LRRC4C: variants seen among roughly 807,000 people sequenced by gnomAD.
LRRC4C encodes leucine rich repeat containing 4C.
In LRRC4C, 5 loss-of-function variants were observed where a neutral mutation model predicts 33.6. The ratio of observed to expected loss-of-function variants is 0.15; its 90% CI spans 0.08 to 0.31. LRRC4C has a LOEUF of 0.31. LRRC4C is among the 10% of genes least tolerant of loss of function. The probability of loss-of-function intolerance (pLI) is 1.00; values close to 1 mark genes in which losing one functional copy is unlikely to be tolerated. For missense variants in LRRC4C, 560 were observed against 796.7 expected (o/e 0.70, Z 3.58); for synonymous variants, 329 against 302.0 (o/e 1.09, Z -0.93).
chr11:40,640,739 GCGC>G (rs1297762928), intron 3 of LRRC4C, among the ~76,000 whole-genome samples: 2 of 152,032 alleles, frequency 1.3e-5, no homozygotes, highest in East Asian at 3.9e-4. Flanking sequence ...ATTTGGCCAG[GCGC>G]CATGGCTCAC....
chr11:40,122,559 G>C (rs1307740931), intron 6 of LRRC4C, among the ~76,000 whole-genome samples: 5 of 152,172 alleles, frequency 3.3e-5, no homozygotes, highest in Non-Finnish European at 7.4e-5. Context: ...AATAAATTCT[G>C]ACCTAATCTT....
chr11:41,072,097 T>A (rs1428122841), intron 1 of LRRC4C, among the ~76,000 whole-genome samples: 2 of 152,054 alleles, frequency 1.3e-5, no homozygotes, highest in South Asian at 2.1e-4. Context: ...CTGGTTAAGA[T>A]GCTGGGAACA....
At chr11:40,435,030 T>C (rs1405232933) in intron 3 of LRRC4C, among the ~76,000 whole-genome samples, 1 of 152,194 alleles carries the variant, frequency 6.6e-6, no homozygotes, top group African/African-American at 2.4e-5. Context: ...AAGGGCATTC[T>C]TTACCACCTT....
chr11:40,643,348 A>G (rs1235663278), intron 3 of LRRC4C, among the ~76,000 whole-genome samples: 1 of 152,172 alleles, frequency 6.6e-6, no homozygotes, highest in African/African-American at 2.4e-5. Flanking sequence ...GCCCTAATGA[A>G]TAATCTACAT....
intron 2 of LRRC4C, among the ~76,000 whole-genome samples, chr11:40,819,948 G>T (rs1475312865): frequency 6.6e-6 from 1 of 151,778 alleles, no homozygotes; most frequent in African/African-American, 2.4e-5. Context: ...CCAGAGGGAA[G>T]ACAAATTTCA....
At chr11:41,459,101 G>A (rs568837334) in intron 1 of LRRC4C, among the ~76,000 whole-genome samples, 2 of 152,112 alleles carry the variant, frequency 1.3e-5, no homozygotes, top group South Asian at 4.2e-4. Flanking sequence ...TCTGATTAAT[G>A]TTTTTCCTCA....
At chr11:40,764,946 A>G (rs1411301798) in intron 2 of LRRC4C, among the ~76,000 whole-genome samples, 1 of 152,120 alleles carries the variant, frequency 6.6e-6, no homozygotes, top group African/African-American at 2.4e-5. Flanking sequence ...ACTCAATTCC[A>G]TTTGAATTAT....
intron 3 of LRRC4C, among the ~76,000 whole-genome samples, chr11:40,362,637 T>C (rs573622324): frequency 5.3e-5 from 8 of 152,116 alleles, no homozygotes; most frequent in Non-Finnish European, 1.2e-4. Context: ...GCAGAATTGC[T>C]TGAACCCAGG....
At chr11:40,208,418 C>T (rs1457908422) in intron 5 of LRRC4C, among the ~76,000 whole-genome samples, 1 of 152,134 alleles carries the variant, frequency 6.6e-6, no homozygotes. Context: ...AATAATAGGA[C>T]TAGAACTGAA....
At chr11:41,350,923 C>A (rs555116772) in intron 1 of LRRC4C, among the ~76,000 whole-genome samples, 2 of 152,246 alleles carry the variant, frequency 1.3e-5, no homozygotes, top group East Asian at 3.9e-4. Context: ...ATCTTTGAAT[C>A]AACTCAGTCA....
rs1591695361 is a variant in LRRC4C, at chr11:40,778,074, T to C, written c.-406-129796A>G. On this transcript the variant is annotated intron_variant, in intron 2 of 6. Transcript: ENST00000528697. ...CATTTACATTCAAGGTTAATATTTATCTGTGAGTTTTTCATCCTATTGTGA... is the reference window on the plus strand; with the variant it reads ...CATTTACATTCAAGGTTAATATTTACCTGTGAGTTTTTCATCCTATTGTGA... Among the ~76,000 whole-genome samples, 15 of 152,318 alleles carry C rather than the reference T, an allele frequency of 9.8e-5. No individual in the cohort carries two copies. In the South Asian group the frequency reaches 3.1e-3, roughly 32 times the overall value.
At chr11:40,311,626 C>T (rs935422432) in intron 4 of LRRC4C, among the ~76,000 whole-genome samples, 4 of 152,122 alleles carry the variant, frequency 2.6e-5, no homozygotes, top group Non-Finnish European at 5.9e-5. Flanking sequence ...CAAAAGGTTG[C>T]CACTTGCCAA....
At chr11:41,245,424 A>T (rs1315397400) in intron 1 of LRRC4C, among the ~76,000 whole-genome samples, 1 of 152,216 alleles carries the variant, frequency 6.6e-6, no homozygotes, top group East Asian at 1.9e-4. Context: ...CATCCCGGCC[A>T]AGGCATGGCA....
At chr11:40,838,488 T>C (rs1303738590) in intron 2 of LRRC4C, among the ~76,000 whole-genome samples, 3 of 152,204 alleles carry the variant, frequency 2.0e-5, no homozygotes, top group Non-Finnish European at 4.4e-5. Flanking sequence ...ATATTCCTAG[T>C]CTTCCCACTT....
intron 3 of LRRC4C, among the ~76,000 whole-genome samples, chr11:40,353,670 T>A (rs1217571549): frequency 1.3e-5 from 2 of 152,188 alleles, no homozygotes; most frequent in South Asian, 4.1e-4. Context: ...CCTGAGATCA[T>A]GCCAATGCAC....
At chr11:40,998,644 A>G (rs1229408806) in intron 1 of LRRC4C, among the ~76,000 whole-genome samples, 2 of 152,110 alleles carry the variant, frequency 1.3e-5, no homozygotes, top group African/African-American at 2.4e-5. Flanking sequence ...AACATACCCA[A>G]TCACAAACTA....
At chr11:40,968,519 G>T (rs1851507682) in intron 1 of LRRC4C, among the ~76,000 whole-genome samples, 1 of 152,090 alleles carries the variant, frequency 6.6e-6, no homozygotes, top group African/African-American at 2.4e-5. Context: ...AGAATTCAAT[G>T]CCTGGCTTTA....
At chr11:41,438,757 C>T (rs967712192) in intron 1 of LRRC4C, among the ~76,000 whole-genome samples, 1 of 152,098 alleles carries the variant, frequency 6.6e-6, no homozygotes, top group Non-Finnish European at 1.5e-5. Flanking sequence ...CACAGAAATA[C>T]TTTTTCTCAT....
chr11:41,066,490 A>T (rs974537252), intron 1 of LRRC4C, among the ~76,000 whole-genome samples: 3 of 152,192 alleles, frequency 2.0e-5, no homozygotes, highest in African/African-American at 7.2e-5. Context: ...TGAAAAACAC[A>T]CTTGAGGATA....
Sources: allele counts gnomAD v4.1 joint callset (sites outside exome capture counted in the v4.1 genomes callset), GRCh38; gene constraint gnomAD v4.1.1; transcripts MANE v1.5; gene names NCBI Gene and HGNC (gene_info 2026-07-23, HGNC 2026-07-21).